Variants in NEBL observed in about 807,000 individuals in gnomAD.
NEBL encodes nebulette.
Under a neutral mutation model 140.2 loss-of-function variants are expected in NEBL, and 122 were observed. The ratio of observed to expected loss-of-function variants is 0.87; its 90% CI spans 0.75 to 1.01. The LOEUF is 1.01. NEBL is among the 50% of genes least tolerant of loss of function. The pLI, the probability that NEBL is intolerant of heterozygous loss-of-function variation, is 0.00. For synonymous variants in NEBL, 436 were observed against 398.9 expected (o/e 1.09, Z -1.11); for missense variants, 1,365 against 1,231.3 (o/e 1.11, Z -1.62).
chr10:21,160,287 T>A (rs1564531465), intron 2 of NEBL, among the ~76,000 whole-genome samples: 2 of 152,122 alleles, frequency 1.3e-5, no homozygotes, highest in South Asian at 4.2e-4. Flanking sequence ...AAATCTTGAG[T>A]GCTTTTTACG....
At chr10:21,154,611 G>A (rs1231331285) in intron 2 of NEBL, among the ~76,000 whole-genome samples, 1 of 152,094 alleles carries the variant, frequency 6.6e-6, no homozygotes, top group Non-Finnish European at 1.5e-5. Flanking sequence ...AAAACCAGCA[G>A]CACAAACTCT....
chr10:21,002,900 C>T (rs1025622492), intron 3 of NEBL, among the ~76,000 whole-genome samples: 1 of 151,834 alleles, frequency 6.6e-6, no homozygotes, highest in African/African-American at 2.4e-5. Flanking sequence ...TTAGTGAGGT[C>T]TCTTTCACAC....
chr10:21,232,626 G>A (rs974714676), intron 3 of NEBL, among the ~76,000 whole-genome samples: 2 of 152,080 alleles, frequency 1.3e-5, no homozygotes, highest in Non-Finnish European at 2.9e-5. Flanking sequence ...TTCACAATAG[G>A]GTTTGCGCTT....
chr10:21,057,695 G>C (rs1169821581), intron 2 of NEBL, among the ~76,000 whole-genome samples: 1 of 151,824 alleles, frequency 6.6e-6, no homozygotes, highest in Non-Finnish European at 1.5e-5. Flanking sequence ...GACTACAGGA[G>C]CGCACCAGCA....
chr10:21,250,314 G>T (rs1363483169), intron 2 of NEBL, among the ~76,000 whole-genome samples: 1 of 152,080 alleles, frequency 6.6e-6, no homozygotes, highest in Non-Finnish European at 1.5e-5. Flanking sequence ...GGCTAGATTG[G>T]CCTAGCCTCC....
intron 2 of NEBL, among the ~76,000 whole-genome samples, chr10:21,074,589 T>G (rs184521305): frequency 5.3e-5 from 8 of 150,752 alleles, no homozygotes; most frequent in African/African-American, 1.5e-4. Flanking sequence ...GCGATTCTCC[T>G]GCCTCAGCCT....
At chr10:21,203,757 C>T (rs1443135506) in intron 3 of NEBL, among the ~76,000 whole-genome samples, 1 of 152,148 alleles carries the variant, frequency 6.6e-6, no homozygotes. Flanking sequence ...TGCACAGTAT[C>T]GAAAGCTCCT....
In NEBL at chr10:20,992,055, G is replaced by T. The variant is rs80333144; in HGVS notation, c.249+28062C>A. Among the ~76,000 whole-genome samples, 3,755 of 152,134 alleles carry T rather than the reference G, an allele frequency of 0.025. 399 individuals are homozygous for T. In the East Asian group the frequency reaches 0.36, roughly 15 times the overall value. On this transcript the variant is annotated intron_variant, in intron 3 of 6. Transcript: ENST00000417816. ...GGCTGATTCCATGTCTTTGCCATTG[G>T]GAATGGTGCTGTGATAAACATGAAT...
At chr10:20,820,634 T>C (rs1197537388) in intron 19 of NEBL, among the ~76,000 whole-genome samples, 1 of 152,142 alleles carries the variant, frequency 6.6e-6, no homozygotes, top group Non-Finnish European at 1.5e-5. Context: ...GAGACCAGCC[T>C]GACCAACATG....
At chr10:21,222,294 A>AG (rs908116340) in intron 3 of NEBL, among the ~76,000 whole-genome samples, 5 of 152,118 alleles carry the variant, frequency 3.3e-5, no homozygotes, top group Admixed American at 2.0e-4. Context: ...CAAAAAAAAA[A>AG]AAAAGGGTAA....
intron 2 of NEBL, among the ~76,000 whole-genome samples, chr10:21,059,695 C>T (rs895900795): frequency 7.2e-5 from 11 of 152,204 alleles, no homozygotes; most frequent in African/African-American, 2.7e-4. Context: ...AAACTCTTTC[C>T]ATTGTCTCAA....
chr10:21,291,202 G>A (rs923245236), intron 1 of NEBL, among the ~76,000 whole-genome samples: 3 of 151,912 alleles, frequency 2.0e-5, no homozygotes, highest in Non-Finnish European at 4.4e-5. Flanking sequence ...GGAAGGTAAG[G>A]GGGTCTAAGA....
chr10:21,065,389 G>C (rs973588929), intron 2 of NEBL, among the ~76,000 whole-genome samples: 12 of 152,158 alleles, frequency 7.9e-5, no homozygotes, highest in Non-Finnish European at 1.6e-4. Context: ...AAGTAAGTGT[G>C]AGGGAGGAAA....
intron 2 of NEBL, among the ~76,000 whole-genome samples, chr10:21,023,377 CT>C (rs1258172816): frequency 1.3e-5 from 2 of 152,248 alleles, no homozygotes; most frequent in Non-Finnish European, 2.9e-5. Flanking sequence ...GGGGAACAAC[CT>C]TCTTCTGCCA....
intron 2 of NEBL, among the ~76,000 whole-genome samples, chr10:21,112,108 G>A (rs61851469): frequency 0.12 from 18,375 of 152,218 alleles, 1,141 homozygotes; most frequent in South Asian, 0.15. Context: ...TGGAGAGGAT[G>A]TGGAGAAATA....
chr10:20,933,532 A>G (rs541858450), intron 4 of NEBL, among the ~76,000 whole-genome samples: 2 of 152,210 alleles, frequency 1.3e-5, no homozygotes, highest in Admixed American at 1.3e-4. Context: ...CCAGGAGTTC[A>G]AGACCAGCCT....
chr10:20,805,421 C>T (rs1010189667), intron 26 of NEBL, among the ~76,000 whole-genome samples: 2 of 152,078 alleles, frequency 1.3e-5, no homozygotes, highest in Non-Finnish European at 2.9e-5. Context: ...TTATGTTATA[C>T]AACTTATTGG....
chr10:21,220,195 G>A (rs764346107), intron 3 of NEBL, among the ~76,000 whole-genome samples: 2 of 152,110 alleles, frequency 1.3e-5, no homozygotes, highest in Non-Finnish European at 2.9e-5. Context: ...TTACAGGCAT[G>A]AGCCACCATG....
At chr10:21,258,200 A>G (rs1287044303) in intron 1 of NEBL, among the ~76,000 whole-genome samples, 3 of 152,162 alleles carry the variant, frequency 2.0e-5, no homozygotes, top group Admixed American at 6.5e-5. Flanking sequence ...AGGCGGGAGG[A>G]TGGCTGGAGC....
Sources: gnomAD v4.1 joint callset for allele counts (sites outside exome capture counted in the v4.1 genomes callset) on GRCh38, gnomAD v4.1.1 for gene constraint, MANE v1.5 for transcripts, NCBI Gene and HGNC (gene_info 2026-07-23, HGNC 2026-07-21) for gene names.